ANKRA2: variants seen among roughly 807,000 people sequenced by gnomAD.
ANKRA2 encodes the protein ankyrin repeat family A member 2, also known as ankyrin repeat family A protein 2.
ANKRA2 carries 33 observed loss-of-function variants against 37.8 expected under a neutral mutation model. The ratio of observed to expected loss-of-function variants is 0.87; its 90% CI spans 0.66 to 1.17. The LOEUF is 1.17. ANKRA2 is among the 50% of genes most tolerant of loss of function. ANKRA2 has a pLI of 0.00. For synonymous variants in ANKRA2, 126 were observed against 132.3 expected (o/e 0.95, Z 0.33); for missense variants, 326 against 373.7 (o/e 0.87, Z 1.05).
intron 3 of ANKRA2, 111 bp from the exon 4 acceptor site, chr5:73,557,751 TTTA>T (rs1484281233): frequency 3.0e-6 from 2 of 670,090 alleles, no homozygotes; most frequent in Non-Finnish European, 5.0e-6. Context: ...AAACTACAAT[TTTA>T]TTGTTTTAAA....
intron 5 of ANKRA2, chr5:73,555,222 T>C: frequency 7.6e-7 from 1 of 1,318,180 alleles, no homozygotes; most frequent in Non-Finnish European, 1.0e-6. Flanking sequence ...TCACAGCTCC[T>C]CCATGAAGCC....
chr5:73,561,316 T>A lies in ANKRA2; in HGVS notation c.290-28A>T. ...AAGTGAAAAACAAATGTAAACACAT[T>A]AAAAGCATTTCAGTAAGAGTTCTAT... On this transcript the variant is annotated intron_variant, in intron 2 of 8. Coordinates refer to ENST00000296785, the MANE Select transcript of ANKRA2 (RefSeq NM_023039.5). 3.8e-6 allele frequency: 6 copies of A among 1,591,400 alleles called. No homozygotes were observed. The South Asian group carries it at 6.7e-5, about 18-fold the overall frequency.
In ANKRA2 at chr5:73,562,890, C is replaced by A. The variant is rs1747594200; in HGVS notation, c.-9G>T. ...TTTGTTGATGTATCCATGATTTCAA[C>A]TGTAGTTTCAATAACTAAAACATTT... On this transcript the variant is annotated 5_prime_UTR_variant, in exon 2 of 9. Coordinates refer to ENST00000296785, the MANE Select transcript of ANKRA2 (RefSeq NM_023039.5). The A allele has an allele frequency of 8.8e-6, 14 of 1,584,538 alleles. No homozygotes were observed. The highest frequency in any genetic ancestry group is 1.4e-5 in the African/African-American group (1 of 73,920).
At chr5:73,556,318 G>C (rs945593286) in intron 4 of ANKRA2, among the ~76,000 whole-genome samples, 1 of 152,084 alleles carries the variant, frequency 6.6e-6, no homozygotes, top group African/African-American at 2.4e-5. Flanking sequence ...TAAACAAACA[G>C]AAATATAAGA....
At chr5:73,560,638 G>C (rs750069564) in intron 3 of ANKRA2, among the ~76,000 whole-genome samples, 1 of 152,032 alleles carries the variant, frequency 6.6e-6, no homozygotes, top group Non-Finnish European at 1.5e-5. Flanking sequence ...CACCAGCCTC[G>C]GACTCCCAAA....
chr5:73,565,405 C>G lies in ANKRA2; in HGVS notation c.-378G>C, dbSNP rs1937325328. 4.5e-6 allele frequency: 1 copy of G among 223,122 alleles called. No homozygotes were observed. Among genetic ancestry groups the G allele is most frequent in the African/African-American group, 2.3e-5 (1 of 42,900 alleles). 13.8% of individuals were successfully genotyped at this position (223,122 alleles called of 1,614,324 possible). On this transcript the variant is annotated 5_prime_UTR_variant, in exon 1 of 9. Transcript: ENST00000296785. ...GCCAGCTTCAGTACAGGCCTCCAAG[C>G]CCGGGCTTGTTTTGGCCGCGACGTC...
chr5:73,555,960 C>T lies in ANKRA2; in HGVS notation c.515-375G>A, dbSNP rs183761119. Among the ~76,000 whole-genome samples the T allele has an allele frequency of 2.6e-3, 391 of 152,280 alleles. 3 individuals are homozygous for T. The highest frequency in any genetic ancestry group is 2.6e-3 in the Non-Finnish European group (174 of 68,016). On this transcript the variant is annotated intron_variant, in intron 4 of 8. Coordinates refer to ENST00000296785, the MANE Select transcript of ANKRA2 (RefSeq NM_023039.5). ...CAAGACACTTAATTTCTTCAATATA[C>T]AGAATTCCTTGCTTACATCAACGTA... is the stretch of plus-strand genomic sequence containing the variant.
At chr5:73,561,320 A>C in intron 2 of ANKRA2, 32 bp from the exon 3 acceptor site, 1 of 1,584,574 alleles carries the variant, frequency 6.3e-7, no homozygotes, top group Non-Finnish European at 8.6e-7. Flanking sequence ...ACACATTAAA[A>C]GCATTTCAGT....
intron 4 of ANKRA2, among the ~76,000 whole-genome samples, chr5:73,556,899 G>A (rs1178810471): frequency 6.6e-6 from 1 of 151,408 alleles, no homozygotes; most frequent in African/African-American, 2.4e-5. Flanking sequence ...TCCTGTATCA[G>A]TGAGGGCGTG....
In ANKRA2 at chr5:73,555,000, TAG is replaced by T. The variant is rs1561268513; in HGVS notation, c.613-16_613-15del. ...GGGATCAGCACCCTGGTATGGGAAG[TAG>T]AGATAAAAGACTTCTCAATTAGTTT... On this transcript the variant is annotated splice_polypyrimidine_tract_variant and intron_variant, in intron 5 of 8. Coordinates refer to ENST00000296785, the MANE Select transcript of ANKRA2 (RefSeq NM_023039.5). 1 of 1,600,378 alleles carries T rather than the reference TAG, an allele frequency of 6.2e-7. No individual in the cohort carries two copies. Among genetic ancestry groups the T allele is most frequent in the Non-Finnish European group, 8.5e-7 (1 of 1,176,250 alleles).
At chr5:73,555,400 A>G (rs1307490621) in intron 5 of ANKRA2, 88 bp downstream of exon 5, 11 of 1,549,890 alleles carry the variant, frequency 7.1e-6, no homozygotes, top group Non-Finnish European at 6.1e-6. Flanking sequence ...CTCTACCATT[A>G]TATCTAGCTG....
At chr5:73,555,096 C>CA in intron 5 of ANKRA2, 110 bp from the exon 6 acceptor site, 1 of 1,483,716 alleles carries the variant, frequency 6.7e-7, no homozygotes, top group South Asian at 1.4e-5. Context: ...ATGTTCTGGG[C>CA]TTAATAAAGA....
chr5:73,557,411 C>CTTT (rs80067963), intron 4 of ANKRA2, 164 bp downstream of exon 4: 46 of 193,334 alleles, frequency 2.4e-4, no homozygotes, highest in South Asian at 2.2e-3. Context: ...CTTTATATTC[C>CTTT]TTTTTTTTTT....
At chr5:73,561,466 CAAAAA>C in intron 2 of ANKRA2, 178 bp from the exon 3 acceptor site, 1 of 496,500 alleles carries the variant, frequency 2.0e-6, no homozygotes, top group South Asian at 2.6e-5. Context: ...AATGGTTAGT[CAAAAA>C]AAAAAAAAGT....
intron 4 of ANKRA2, among the ~76,000 whole-genome samples, chr5:73,556,787 G>A (rs1236824289): frequency 1.3e-5 from 2 of 151,746 alleles, no homozygotes; most frequent in African/African-American, 4.8e-5. Flanking sequence ...TAGGTCACAC[G>A]CAAAAAATTC....
chr5:73,565,007 G>C (rs1747687543), intron 1 of ANKRA2, 125 bp downstream of exon 1: 1 of 152,206 alleles, frequency 6.6e-6, no homozygotes, highest in African/African-American at 2.4e-5. Flanking sequence ...GAGAGTCTAC[G>C]GAGATAAAGT....
At position 73,554,906 on chromosome 5, in the gene ANKRA2, G is replaced by T. The variant is rs1747357001; in HGVS notation, c.693C>A (p.Val231=). The T allele has an allele frequency of 6.2e-7, 1 of 1,613,694 alleles. No homozygotes were observed. The highest frequency in any genetic ancestry group is 1.3e-5 in the African/African-American group (1 of 74,902). Reference sequence around the variant, plus strand: ...CAACTCCACAATCAAGCAGCATTTTGACAATATCTGTGTAGCCTTTACTAC... The same window carrying T: ...CAACTCCACAATCAAGCAGCATTTTTACAATATCTGTGTAGCCTTTACTAC... The part of the protein sequence containing the change: ...LACSKGYTDI[V]KMLLDCGVDV... The change falls in exon 6 of 9, where the codon GTC becomes GTA. Residue 231 remains valine (V), a synonymous_variant. Transcript: ENST00000296785.
Position 73,559,668 on chromosome 5 carries a change from C to T in ANKRA2, c.448+1462G>A, listed in dbSNP as rs556467329. Among the ~76,000 whole-genome samples, 864 of 144,880 alleles carry T rather than the reference C, an allele frequency of 6.0e-3. 10 individuals carry two copies. Among genetic ancestry groups the T allele is most frequent in the African/African-American group, 0.02 (825 of 40,594 alleles). On this transcript the variant is annotated intron_variant, in intron 3 of 8. Transcript: ENST00000296785. ...TCTCTATTTATTATTTATTAACTCA[C>T]TATTTTTACAGTAAAACTTTTAAGT...
At chr5:73,557,696 TC>T in intron 3 of ANKRA2, 56 bp from the exon 4 acceptor site, 2 of 1,272,478 alleles carry the variant, frequency 1.6e-6, no homozygotes, top group Non-Finnish European at 2.2e-6. Context: ...ACTTGCATCA[TC>T]CCATGGTTCA....
Sources: gnomAD v4.1 joint callset for allele counts (sites outside exome capture counted in the v4.1 genomes callset) on GRCh38, gnomAD v4.1.1 for gene constraint, MANE v1.5 for transcripts, NCBI Gene and HGNC (gene_info 2026-07-23, HGNC 2026-07-21) for gene names.